The following TMEM268 variants were observed in gnomAD, a reference collection of about 807,000 sequenced individuals.
The protein encoded by TMEM268 is transmembrane protein C9orf91.
TMEM268 carries 24 observed loss-of-function variants against 39.1 expected under a neutral mutation model. The observed-to-expected ratio is 0.61, with a 90% CI of 0.44 to 0.86. TMEM268 has a LOEUF of 0.86. TMEM268 is among the 40% of genes least tolerant of loss of function. The pLI is 0.00. For missense variants in TMEM268, 409 were observed against 428.6 expected (o/e 0.95, Z 0.40); for synonymous variants, 176 against 173.5 (o/e 1.01, Z -0.12).
intron 4 of TMEM268, 48 bp downstream of exon 4, chr9:114,627,054 G>A (rs1276184094): frequency 1.5e-6 from 2 of 1,360,424 alleles, no homozygotes; most frequent in Non-Finnish European, 2.1e-6. Flanking sequence ...ACAGCTTATG[G>A]CACCACCAAA....
intron 2 of TMEM268, 131 bp from the exon 3 acceptor site, chr9:114,624,219 G>A (rs1802949680): frequency 2.1e-6 from 3 of 1,454,820 alleles, no homozygotes; most frequent in South Asian, 1.4e-5. Flanking sequence ...ATTTGAGGAT[G>A]GCCACCGTGT....
At chr9:114,612,171 C>T (rs1282434089) in intron 1 of TMEM268, among the ~76,000 whole-genome samples, 1 of 152,154 alleles carries the variant, frequency 6.6e-6, no homozygotes, top group African/African-American at 2.4e-5. Context: ...ACTGACGAAT[C>T]TCAGTGCTGC....
chr9:114,636,762 C>T (rs947483844), intron 6 of TMEM268, among the ~76,000 whole-genome samples: 2 of 152,010 alleles, frequency 1.3e-5, no homozygotes, highest in African/African-American at 4.8e-5. Context: ...CGGCCTCCCA[C>T]AGTGCTGGGA....
intron 8 of TMEM268, among the ~76,000 whole-genome samples, chr9:114,642,730 C>T (rs913194698): frequency 2.0e-5 from 3 of 152,142 alleles, no homozygotes; most frequent in African/African-American, 7.2e-5. Flanking sequence ...ATCTTCCTAC[C>T]TCGGCCTCCC....
At chr9:114,606,637 C>T (rs2149372), upstream of TMEM268, among the ~76,000 whole-genome samples, 104,133 of 152,032 alleles carry the variant, frequency 0.68, 36,391 homozygotes, top group African/African-American at 0.8. Context: ...TAGGTATTAT[C>T]ATTTCTATTT....
At chr9:114,640,353 C>T (rs1307665200) in intron 8 of TMEM268, among the ~76,000 whole-genome samples, 1 of 152,136 alleles carries the variant, frequency 6.6e-6, no homozygotes, top group Non-Finnish European at 1.5e-5. Context: ...CAAGTCTCAA[C>T]CTGGGCCAGA....
chr9:114,612,367 G>T (rs796244283), intron 1 of TMEM268, among the ~76,000 whole-genome samples: 3 of 152,328 alleles, frequency 2.0e-5, no homozygotes, highest in African/African-American at 7.2e-5. Flanking sequence ...GAGACCCAGA[G>T]AAGCTCTAGT....
At chr9:114,615,320 C>T (rs1355066888) in intron 1 of TMEM268, 1 of 152,290 alleles carries the variant, frequency 6.6e-6, no homozygotes. Context: ...TTATATGTGT[C>T]ATCCATTGAT....
chr9:114,633,623 T>G (rs1394837641), intron 5 of TMEM268, 145 bp from the exon 6 acceptor site: 1 of 455,736 alleles, frequency 2.2e-6, no homozygotes, highest in African/African-American at 2.0e-5. Context: ...CCCGACCATT[T>G]AATAGGGGAG....
intron 2 of TMEM268, among the ~76,000 whole-genome samples, chr9:114,619,916 A>G (rs1405255334): frequency 6.6e-6 from 1 of 151,902 alleles, no homozygotes; most frequent in Non-Finnish European, 1.5e-5. Context: ...TTATTTTAAA[A>G]TTTATTTTTA....
upstream of TMEM268, among the ~76,000 whole-genome samples, chr9:114,609,733 AGG>A (rs771969425): frequency 0.026 from 2,662 of 100,830 alleles, 53 homozygotes; most frequent in African/African-American, 0.076. Context: ...AAGAAAAAGA[AGG>A]AAGGAAGGAA....
rs770748205 is a variant in TMEM268, at chr9:114,624,340, C to T, written c.107-10C>T. The T allele has an allele frequency of 3.8e-6, 6 of 1,590,716 alleles. No homozygotes were observed. In the East Asian group the frequency reaches 1.4e-4, roughly 36 times the overall value. On this transcript the variant is annotated splice_polypyrimidine_tract_variant and intron_variant, in intron 2 of 8. Transcript: ENST00000288502. ...CACTCAGCCAGATGAAGCTTCTGGT[C>T]TGCTTCCAGAGCTCCACAATGGCCA...
chr9:114,632,237 C>T (rs1846433741), intron 5 of TMEM268, among the ~76,000 whole-genome samples: 1 of 151,960 alleles, frequency 6.6e-6, no homozygotes, highest in Non-Finnish European at 1.5e-5. Context: ...GCCCAGGGGA[C>T]AGTCTTGAAC....
intron 2 of TMEM268, chr9:114,622,612 C>T (rs766069067): frequency 1.3e-5 from 8 of 628,104 alleles, no homozygotes; most frequent in East Asian, 1.4e-4. Flanking sequence ...CCTTGGAGGG[C>T]GGGGGCTTTG....
At chr9:114,615,499 G>A (rs550446395) in intron 1 of TMEM268, 55 of 153,010 alleles carry the variant, frequency 3.6e-4, no homozygotes, top group Non-Finnish European at 5.4e-4. Flanking sequence ...GAAAAGAGTA[G>A]AACAAGGAGT....
At position 114,628,229 on chromosome 9, in the gene TMEM268, C is replaced by T. The variant is rs753407916; in HGVS notation, c.453C>T (p.Val151=). The T allele has an allele frequency of 1.4e-5, 23 of 1,614,024 alleles. No homozygotes were observed. In the South Asian group the frequency reaches 2.2e-4, roughly 15 times the overall value. The change falls in exon 5 of 9, where the codon GTC becomes GTT. Residue 151 remains valine, a synonymous_variant. Transcript: ENST00000288502. ...GCCTGACCTTGACTCTTGTGCTGGT[C>T]TTTGAAAGACACCAGAAGAAGGTGA... ...AVSLTLTLVL[V]FERHQKKANT... is the part of the protein sequence containing the mutation.
intron 2 of TMEM268, among the ~76,000 whole-genome samples, chr9:114,620,108 G>C (rs12379811): frequency 6.6e-6 from 1 of 151,778 alleles, no homozygotes; most frequent in Non-Finnish European, 1.5e-5. Flanking sequence ...CCAGCTACCC[G>C]GGAGGCTGAG....
At chr9:114,618,434 C>G (rs989431185) in intron 2 of TMEM268, among the ~76,000 whole-genome samples, 2 of 151,996 alleles carry the variant, frequency 1.3e-5, no homozygotes, top group East Asian at 3.9e-4. Context: ...GTGGGCAGAT[C>G]ACTTGAGGTC....
chr9:114,605,297 GA>G, the TMEM268 span, among the ~76,000 whole-genome samples: 1 of 151,864 alleles, frequency 6.6e-6, no homozygotes, highest in African/African-American at 2.4e-5. Context: ...TGAAATTACT[GA>G]AAAAGCTTCA....
Sources: allele counts gnomAD v4.1 joint callset (sites outside exome capture counted in the v4.1 genomes callset), GRCh38; gene constraint gnomAD v4.1.1; transcripts MANE v1.5; gene names NCBI Gene and HGNC (gene_info 2026-07-23, HGNC 2026-07-21).